PPARGC1A: variants seen among roughly 807,000 people sequenced by gnomAD.
The protein encoded by PPARGC1A is PPARG coactivator 1 alpha, also known as peroxisome proliferator-activated receptor gamma coactivator 1-alpha.
PPARGC1A carries 25 observed loss-of-function variants against 88.7 expected under a neutral mutation model. The ratio of observed to expected loss-of-function variants is 0.28; its 90% CI spans 0.21 to 0.39. The LOEUF is 0.39. PPARGC1A is among the 10% of genes least tolerant of loss of function. The pLI is 1.00. For synonymous variants in PPARGC1A, 363 were observed against 355.6 expected (o/e 1.02, Z -0.24); for missense variants, 880 against 968.7 (o/e 0.91, Z 1.22).
the PPARGC1A span, among the ~76,000 whole-genome samples, chr4:24,211,189 G>A: frequency 6.6e-6 from 1 of 151,884 alleles, no homozygotes; most frequent in African/African-American, 2.4e-5. Context: ...CCTTAAACTC[G>A]TGACTAGATG....
In PPARGC1A at chr4:23,860,643, C is replaced by T. The variant is rs146030262; in HGVS notation, c.234+24109G>A. ...ACAGCAGAGGAAGCACCACTAAACTCAATGGCAGAGAGATTACAAGCAATG... is the reference window on the plus strand; with the variant it reads ...ACAGCAGAGGAAGCACCACTAAACTTAATGGCAGAGAGATTACAAGCAATG... On this transcript the variant is annotated intron_variant, in intron 2 of 12. Coordinates refer to ENST00000264867, the MANE Select transcript of PPARGC1A (RefSeq NM_013261.5). Among the ~76,000 whole-genome samples, 13 of 152,260 alleles carry T rather than the reference C, an allele frequency of 8.5e-5. No individual in the cohort carries two copies. The East Asian group carries it at 1.9e-3, about 23-fold the overall frequency.
At chr4:23,869,068 G>A (rs1712692171) in intron 2 of PPARGC1A, among the ~76,000 whole-genome samples, 1 of 152,164 alleles carries the variant, frequency 6.6e-6, no homozygotes, top group South Asian at 2.1e-4. Context: ...TATGTCACTG[G>A]ATGAAAGGTC....
chr4:24,099,222 C>CA, the PPARGC1A span, among the ~76,000 whole-genome samples: 1 of 126,772 alleles, frequency 7.9e-6, no homozygotes, highest in African/African-American at 3.0e-5. Flanking sequence ...GAATGAAAAA[C>CA]AAAAGGGCTA....
At chr4:23,923,980 T>C in the PPARGC1A span, among the ~76,000 whole-genome samples, 2 of 152,182 alleles carry the variant, frequency 1.3e-5, no homozygotes, top group Non-Finnish European at 2.9e-5. Context: ...CTCTTTCCTA[T>C]GGAGAGATGC....
the PPARGC1A span, among the ~76,000 whole-genome samples, chr4:24,033,791 G>T: frequency 6.6e-6 from 1 of 152,208 alleles, no homozygotes; most frequent in Non-Finnish European, 1.5e-5. Flanking sequence ...ACTAGGCAAA[G>T]TTCTGCAGAA....
At chr4:24,047,369 T>C in the PPARGC1A span, among the ~76,000 whole-genome samples, 1 of 152,218 alleles carries the variant, frequency 6.6e-6, no homozygotes, top group Non-Finnish European at 1.5e-5. Flanking sequence ...GGCATTTTGA[T>C]TAACCTGGTC....
the PPARGC1A span, among the ~76,000 whole-genome samples, chr4:24,212,540 T>C: frequency 6.6e-6 from 1 of 152,208 alleles, no homozygotes; most frequent in Non-Finnish European, 1.5e-5. Context: ...TCTAAGTATT[T>C]ATAACAATGC....
chr4:23,829,443 TA>T lies in PPARGC1A; in HGVS notation c.552+19del. The stretch of plus-strand genomic sequence containing the variant: ...ATCCTTTGGTACATCCCCCCTGTAT[TA>T]AAAAATTTACATTTGTACCTTAACA... On this transcript the variant is annotated intron_variant, in intron 4 of 12. Coordinates refer to ENST00000264867, the MANE Select transcript of PPARGC1A (RefSeq NM_013261.5). 6.2e-7 allele frequency: 1 copy of T among 1,611,310 alleles called. No homozygotes were observed.
At chr4:24,406,853 A>G in the PPARGC1A span, among the ~76,000 whole-genome samples, 2 of 152,208 alleles carry the variant, frequency 1.3e-5, no homozygotes, top group African/African-American at 2.4e-5. Flanking sequence ...ATGGCTTGAA[A>G]TAGCTCTCAG....
At chr4:24,003,225 C>T in the PPARGC1A span, among the ~76,000 whole-genome samples, 3 of 152,112 alleles carry the variant, frequency 2.0e-5, no homozygotes, top group African/African-American at 7.2e-5. Context: ...TCCTCTAATC[C>T]AGAGTGCAAT....
chr4:23,993,277 C>T, the PPARGC1A span, among the ~76,000 whole-genome samples: 1 of 152,100 alleles, frequency 6.6e-6, no homozygotes, highest in Non-Finnish European at 1.5e-5. Context: ...CTTCCTTTGA[C>T]ACTGAATCAT....
chr4:24,004,431 A>G, the PPARGC1A span, among the ~76,000 whole-genome samples: 1 of 152,204 alleles, frequency 6.6e-6, no homozygotes, highest in Non-Finnish European at 1.5e-5. Context: ...TTAAAACCCA[A>G]TTACTGACTT....
At chr4:23,965,853 T>C in the PPARGC1A span, among the ~76,000 whole-genome samples, 1 of 152,208 alleles carries the variant, frequency 6.6e-6, no homozygotes, top group Non-Finnish European at 1.5e-5. Flanking sequence ...AAATTTGACA[T>C]AAATAAATCA....
the PPARGC1A span, among the ~76,000 whole-genome samples, chr4:23,958,808 C>A: frequency 6.6e-6 from 1 of 151,992 alleles, no homozygotes; most frequent in Non-Finnish European, 1.5e-5. Flanking sequence ...GATTGACATG[C>A]CCTTCCTACT....
At chr4:24,285,475 T>C in the PPARGC1A span, among the ~76,000 whole-genome samples, 1 of 152,140 alleles carries the variant, frequency 6.6e-6, no homozygotes, top group Non-Finnish European at 1.5e-5. Context: ...CAAACAGAAG[T>C]GACACGACTT....
At chr4:24,425,957 T>G in the PPARGC1A span, among the ~76,000 whole-genome samples, 89 of 152,318 alleles carry the variant, frequency 5.8e-4, no homozygotes, top group African/African-American at 1.9e-3. Flanking sequence ...GGTGTTTTAT[T>G]TAACAATAAA....
chr4:24,216,494 G>A, the PPARGC1A span, among the ~76,000 whole-genome samples: 5 of 152,084 alleles, frequency 3.3e-5, no homozygotes, highest in African/African-American at 4.8e-5. Context: ...CGGAGCTGAC[G>A]TACTCAAAAT....
At chr4:23,931,449 C>G in the PPARGC1A span, among the ~76,000 whole-genome samples, 3 of 151,088 alleles carry the variant, frequency 2.0e-5, no homozygotes, top group African/African-American at 4.9e-5. Flanking sequence ...TTTTTTACTT[C>G]CAGCATACTT....
chr4:24,273,572 C>A, the PPARGC1A span, among the ~76,000 whole-genome samples: 4 of 152,000 alleles, frequency 2.6e-5, no homozygotes, highest in Non-Finnish European at 5.9e-5. Flanking sequence ...GATGAAGAGA[C>A]CAAAACCTGA....
Sources: allele counts gnomAD v4.1 joint callset (sites outside exome capture counted in the v4.1 genomes callset), GRCh38; gene constraint gnomAD v4.1.1; transcripts MANE v1.5; gene names NCBI Gene and HGNC (gene_info 2026-07-23, HGNC 2026-07-21).